The following BMPR1B variants were observed in gnomAD, a reference collection of about 807,000 sequenced individuals.
BMPR1B encodes the protein bone morphogenetic protein receptor type-1B.
In BMPR1B, 12 loss-of-function variants were observed where a neutral mutation model predicts 59.1. The ratio of observed to expected loss-of-function variants is 0.20; its 90% CI spans 0.13 to 0.33. The LOEUF is 0.33. Among genes scored for constraint, BMPR1B ranks in the 10% least tolerant of loss-of-function variants. The pLI is 1.00. For synonymous variants in BMPR1B, 237 were observed against 207.3 expected (o/e 1.14, Z -1.23); for missense variants, 550 against 610.9 (o/e 0.90, Z 1.05).
chr4:95,064,347 A>G (rs1727641634), intron 3 of BMPR1B, among the ~76,000 whole-genome samples: 1 of 152,148 alleles, frequency 6.6e-6, no homozygotes, highest in African/African-American at 2.4e-5. Context: ...CTCCTGTCAG[A>G]TCAGTGGGAG....
At chr4:95,135,232 G>C (rs1272166380) in intron 10 of BMPR1B, among the ~76,000 whole-genome samples, 1 of 151,992 alleles carries the variant, frequency 6.6e-6, no homozygotes, top group African/African-American at 2.4e-5. Flanking sequence ...TCTCTGTTTT[G>C]GTACCAGTAC....
In BMPR1B at chr4:95,113,115, T is replaced by C. The variant is rs146962019; in HGVS notation, c.144-1605T>C. Among the ~76,000 whole-genome samples, 13 of 152,268 alleles carry C rather than the reference T, an allele frequency of 8.5e-5. No homozygotes were observed. In the East Asian group the frequency reaches 1.9e-3, roughly 23 times the overall value. Reference sequence around the variant, plus strand: ...TTGTTCATATTGTTTAAAGTAAATTTCTAAGGAACAGATATTTTAATTATT... The same window carrying C: ...TTGTTCATATTGTTTAAAGTAAATTCCTAAGGAACAGATATTTTAATTATT... On this transcript the variant is annotated intron_variant, in intron 4 of 12. Coordinates refer to ENST00000515059, the MANE Select transcript of BMPR1B (RefSeq NM_001203.3).
intron 2 of BMPR1B, among the ~76,000 whole-genome samples, chr4:94,914,966 A>G (rs2149016595): frequency 6.6e-6 from 1 of 152,272 alleles, no homozygotes; most frequent in African/African-American, 2.4e-5. Context: ...GTGCATAATA[A>G]AGCTGATGAT....
At position 95,155,001 on chromosome 4, in the gene BMPR1B, A is replaced by T. The variant is rs1735318483; in HGVS notation, c.*328A>T. On this transcript the variant is annotated 3_prime_UTR_variant, in exon 13 of 13. Coordinates refer to ENST00000515059, the MANE Select transcript of BMPR1B (RefSeq NM_001203.3). ...AAGATGCTTTCATTTTGCCAAAATA[A>T]AACAGATAATGTGGATGGTTTAAGG... 4 of 323,680 alleles carry T rather than the reference A, an allele frequency of 1.2e-5. No individual in the cohort carries two copies. In the South Asian group the frequency reaches 1.2e-4, roughly 10 times the overall value. The allele number at this position is 323,680 out of a possible 1,614,324, so 20.1% of individuals were successfully genotyped here.
At chr4:94,805,921 G>A (rs1040166701) in intron 1 of BMPR1B, among the ~76,000 whole-genome samples, 1 of 152,086 alleles carries the variant, frequency 6.6e-6, no homozygotes, top group Non-Finnish European at 1.5e-5. Context: ...GAAAATTGTA[G>A]CCAGTAATAA....
At chr4:94,976,841 A>C (rs1731052057) in intron 2 of BMPR1B, among the ~76,000 whole-genome samples, 1 of 152,010 alleles carries the variant, frequency 6.6e-6, no homozygotes, top group Admixed American at 6.5e-5. Context: ...CTGAATGAGT[A>C]ATCAGTCCAT....
intron 2 of BMPR1B, among the ~76,000 whole-genome samples, chr4:94,879,664 T>A (rs1433307606): frequency 1.3e-5 from 2 of 152,236 alleles, no homozygotes; most frequent in Non-Finnish European, 2.9e-5. Flanking sequence ...TCGTATCCAG[T>A]GATTTTTCTT....
chr4:94,987,876 C>T (rs1401303467), intron 2 of BMPR1B, among the ~76,000 whole-genome samples: 1 of 151,912 alleles, frequency 6.6e-6, no homozygotes, highest in African/African-American at 2.4e-5. Context: ...ATTGAGAATT[C>T]AGCTACACCT....
intron 2 of BMPR1B, among the ~76,000 whole-genome samples, chr4:94,915,764 A>G (rs1728460463): frequency 6.6e-6 from 1 of 152,164 alleles, no homozygotes. Flanking sequence ...AAATAATCAC[A>G]AAAGCTTTAA....
rs191120555 is a variant in BMPR1B, at chr4:94,925,498, G to A, written c.-113+49598G>A. 7.2e-5 allele frequency among the ~76,000 whole-genome samples: 11 copies of A among 152,158 alleles called. No individual in the cohort carries two copies. The East Asian group carries it at 2.1e-3, about 29-fold the overall frequency. Reference sequence around the variant, plus strand: ...ATCACATACTGGCTTCCAAACCTTAGCCAGTCATATCCTAAGTGTTATCAG... The same window carrying A: ...ATCACATACTGGCTTCCAAACCTTAACCAGTCATATCCTAAGTGTTATCAG... On this transcript the variant is annotated intron_variant, in intron 2 of 12. Transcript: ENST00000515059.
intron 1 of BMPR1B, among the ~76,000 whole-genome samples, chr4:94,860,886 A>AT (rs1413353420): frequency 6.7e-6 from 1 of 148,352 alleles, no homozygotes; most frequent in African/African-American, 2.6e-5. Flanking sequence ...ATTTTCTTTC[A>AT]TTTTATTCTG....
intron 1 of BMPR1B, among the ~76,000 whole-genome samples, chr4:94,809,547 TACTC>T (rs1399359237): frequency 3.3e-5 from 5 of 152,194 alleles, no homozygotes; most frequent in African/African-American, 9.6e-5. Context: ...ACACAACAAA[TACTC>T]ACTACAGCTG....
chr4:94,840,773 G>C (rs1001875310), intron 1 of BMPR1B, among the ~76,000 whole-genome samples: 3 of 148,772 alleles, frequency 2.0e-5, no homozygotes, highest in African/African-American at 7.4e-5. Flanking sequence ...TGTCAAAGTC[G>C]TTCTCCGTCC....
At chr4:95,108,908 T>G (rs2097255251) in intron 4 of BMPR1B, among the ~76,000 whole-genome samples, 1 of 152,084 alleles carries the variant, frequency 6.6e-6, no homozygotes, top group Non-Finnish European at 1.5e-5. Flanking sequence ...ATACCTTGAG[T>G]GCTATAGTTT....
At chr4:95,116,875 C>A (rs1291845775) in intron 6 of BMPR1B, among the ~76,000 whole-genome samples, 1 of 152,044 alleles carries the variant, frequency 6.6e-6, no homozygotes, top group African/African-American at 2.4e-5. Context: ...GCCTCACCAG[C>A]ATTTTTTTTT....
rs188492030 is a variant in BMPR1B, at chr4:95,052,434, A to C, written c.-17-51974A>C. 1.7e-3 allele frequency among the ~76,000 whole-genome samples: 254 copies of C among 152,314 alleles called. 2 individuals are homozygous for C. Among genetic ancestry groups the C allele is most frequent in the African/African-American group, 5.9e-3 (247 of 41,590 alleles). On this transcript the variant is annotated intron_variant, in intron 3 of 12. Coordinates refer to ENST00000515059, the MANE Select transcript of BMPR1B (RefSeq NM_001203.3). ...TTTCAAATGAGAAAAAAGCTAATGAACTGAATATAACTGGCCGTGGCAGTG... is the reference window on the plus strand; with the variant it reads ...TTTCAAATGAGAAAAAAGCTAATGACCTGAATATAACTGGCCGTGGCAGTG...
chr4:94,943,340 T>C (rs564695184), intron 2 of BMPR1B, among the ~76,000 whole-genome samples: 75 of 152,206 alleles, frequency 4.9e-4, no homozygotes, highest in African/African-American at 1.8e-3. Flanking sequence ...GGTTTCTCCA[T>C]ATTGGTCAGG....
In BMPR1B at chr4:95,014,210, C is replaced by G. The variant is rs376182915; in HGVS notation, c.-18+18076C>G. The stretch of plus-strand genomic sequence containing the variant: ...ATATTTGCTGTCTTGTTAACTAAAT[C>G]AACTGTAAAATCTTTTCTAATTCTA... On this transcript the variant is annotated intron_variant, in intron 3 of 12. Transcript: ENST00000515059. Among the ~76,000 whole-genome samples, 34 of 152,242 alleles carry G rather than the reference C, an allele frequency of 2.2e-4. No homozygotes were observed. The East Asian group carries it at 5.4e-3, about 24-fold the overall frequency.
chr4:94,864,774 G>A (rs907765657), intron 1 of BMPR1B, among the ~76,000 whole-genome samples: 5 of 151,704 alleles, frequency 3.3e-5, no homozygotes, highest in Admixed American at 6.6e-5. Context: ...ATAATGACAA[G>A]GAAAAAAAGT....
Sources: gnomAD v4.1 joint callset for allele counts (sites outside exome capture counted in the v4.1 genomes callset) on GRCh38, gnomAD v4.1.1 for gene constraint, MANE v1.5 for transcripts, NCBI Gene and HGNC (gene_info 2026-07-23, HGNC 2026-07-21) for gene names.